Variants in PTPRT observed in about 807,000 individuals in gnomAD.
PTPRT encodes receptor-type tyrosine-protein phosphatase T.
PTPRT carries 56 observed loss-of-function variants against 176.8 expected under a neutral mutation model. The ratio of observed to expected loss-of-function variants is 0.32; its 90% CI spans 0.26 to 0.40. The LOEUF (loss-of-function observed/expected upper bound fraction) is 0.40. PTPRT is among the 10% of genes least tolerant of loss of function. PTPRT has a pLI of 1.00. For missense variants in PTPRT, 1,540 were observed against 1,908.2 expected, an observed-to-expected ratio of 0.81 and a Z score of 3.60; for synonymous variants, 783 against 739.0, an observed-to-expected ratio of 1.06 and a Z score of -0.96.
chr20:42,833,287 T>C, intron 2 of PTPRT, among the ~76,000 whole-genome samples: 1 of 146,736 alleles, frequency 6.8e-6, no homozygotes, highest in Admixed American at 6.8e-5. Flanking sequence ...AAAAAAAAAC[T>C]TGGCCAAGCA....
intron 11 of PTPRT, 25 bp from the exon 12 acceptor site, chr20:42,316,021 A>G (rs2057716400): frequency 3.7e-6 from 6 of 1,610,002 alleles, no homozygotes; most frequent in Admixed American, 1.7e-5. Context: ...GGAGACACAG[A>G]TGGTTGAGCA....
At chr20:42,401,982 G>A (rs1415974877) in intron 9 of PTPRT, among the ~76,000 whole-genome samples, 1 of 152,158 alleles carries the variant, frequency 6.6e-6, no homozygotes. Context: ...TCCTGTCCTG[G>A]GACAATCAGA....
chr20:42,826,608 T>G (rs1293021478), intron 2 of PTPRT, among the ~76,000 whole-genome samples: 1 of 152,198 alleles, frequency 6.6e-6, no homozygotes, highest in Non-Finnish European at 1.5e-5. Context: ...CTTATCAGTT[T>G]CATATGCAGA....
intron 6 of PTPRT, among the ~76,000 whole-genome samples, chr20:42,680,971 G>T (rs6065524): frequency 0.17 from 25,242 of 152,050 alleles, 2,398 homozygotes; most frequent in East Asian, 0.23. Context: ...GTTTATCACG[G>T]TGTTTCCTCT....
At chr20:42,880,359 G>A (rs1333275327) in intron 2 of PTPRT, among the ~76,000 whole-genome samples, 2 of 152,168 alleles carry the variant, frequency 1.3e-5, no homozygotes, top group African/African-American at 2.4e-5. Context: ...TTTATGTAAA[G>A]AAGAGAAATA....
intron 1 of PTPRT, among the ~76,000 whole-genome samples, chr20:43,113,976 A>C (rs1234961269): frequency 6.6e-6 from 1 of 152,222 alleles, no homozygotes; most frequent in Non-Finnish European, 1.5e-5. Context: ...AGACATTAGA[A>C]ATTTCTATGT....
chr20:43,090,385 A>C (rs1044518801), intron 1 of PTPRT, among the ~76,000 whole-genome samples: 12 of 151,610 alleles, frequency 7.9e-5, no homozygotes, highest in African/African-American at 2.7e-4. Context: ...CTCCTGCCTC[A>C]GCCTCCTGAG....
intron 7 of PTPRT, among the ~76,000 whole-genome samples, chr20:42,591,891 C>T (rs766987799): frequency 1.3e-5 from 2 of 151,416 alleles, no homozygotes; most frequent in Non-Finnish European, 2.9e-5. Context: ...AGACCGAGCA[C>T]TGGTGGAGGA....
chr20:43,098,234 C>T (rs543708034), intron 1 of PTPRT, among the ~76,000 whole-genome samples: 14 of 152,230 alleles, frequency 9.2e-5, no homozygotes, highest in Admixed American at 2.6e-4. Context: ...ACTCTTTTTG[C>T]TTAAAGCCAT....
At chr20:43,107,859 G>A (rs1017606090) in intron 1 of PTPRT, among the ~76,000 whole-genome samples, 1 of 152,194 alleles carries the variant, frequency 6.6e-6, no homozygotes, top group Admixed American at 6.5e-5. Context: ...CTTAATATTT[G>A]CTTAGGTAAT....
At chr20:42,444,907 T>C (rs1020260073) in intron 9 of PTPRT, among the ~76,000 whole-genome samples, 1 of 152,202 alleles carries the variant, frequency 6.6e-6, no homozygotes, top group Non-Finnish European at 1.5e-5. Flanking sequence ...TGGGGCTGGA[T>C]TGGGTTGAGC....
At chr20:42,990,764 T>C (rs1568720914) in intron 1 of PTPRT, among the ~76,000 whole-genome samples, 1 of 152,168 alleles carries the variant, frequency 6.6e-6, no homozygotes, top group South Asian at 2.1e-4. Context: ...TTTTTCTTTA[T>C]GAAGGGAATA....
chr20:42,586,938 G>A (rs889471089), intron 7 of PTPRT, among the ~76,000 whole-genome samples: 1 of 152,142 alleles, frequency 6.6e-6, no homozygotes, highest in Non-Finnish European at 1.5e-5. Flanking sequence ...TTGGGAGTGA[G>A]TGGTATGTGA....
chr20:42,493,656 T>C (rs750971332), intron 7 of PTPRT, among the ~76,000 whole-genome samples: 2 of 152,114 alleles, frequency 1.3e-5, no homozygotes, highest in African/African-American at 4.8e-5. Context: ...GGGGACTTTA[T>C]AGATGACATT....
Position 42,883,776 on chromosome 20 carries a change from C to T in PTPRT, c.214+2031G>A, listed in dbSNP as rs527577021. Among the ~76,000 whole-genome samples, 378 of 133,224 alleles carry T rather than the reference C, an allele frequency of 2.8e-3. 7 individuals are homozygous for T. Among genetic ancestry groups the T allele is most frequent in the African/African-American group, 0.011 (371 of 33,480 alleles). 87.4% of individuals were successfully genotyped at this position (133,224 alleles called of 152,430 possible). On this transcript the variant is annotated intron_variant, in intron 2 of 30. Coordinates refer to ENST00000373187, the MANE Select transcript of PTPRT (RefSeq NM_007050.6). Reference sequence around the variant, plus strand: ...CCCATACACATGCACACACACCCTCCATAAACGCACACCCATACACACACA... The same window carrying T: ...CCCATACACATGCACACACACCCTCTATAAACGCACACCCATACACACACA...
intron 12 of PTPRT, among the ~76,000 whole-genome samples, chr20:42,310,641 C>A (rs1336489329): frequency 6.6e-6 from 1 of 151,592 alleles, no homozygotes; most frequent in Non-Finnish European, 1.5e-5. Context: ...TTTTTGGCTT[C>A]TCGTCTAGAC....
rs200157212 is a variant in PTPRT, at chr20:42,098,534, C to T, written c.3733G>A (p.Ala1245Thr). The T allele has an allele frequency of 2.4e-4, 384 of 1,613,976 alleles. 1 individual carries two copies. The highest frequency in any genetic ancestry group is 5.3e-4 in the East Asian group (24 of 44,888). ...ALMDSHKQPA[A>T]FVVTQHPLPN... ...AGAGGGTGCTGGGTGACCACGAAGG[C>T]GGCAGGCTGCTTGTGGCTCTGACAA... The change falls in exon 27 of 31, where the codon GCC becomes ACC. Residue 1245 changes from alanine (A) to threonine (T), a missense_variant. By Grantham distance (58) the Ala-to-Thr change is moderately conservative. Around this residue, in one of 11 missense-constraint regions of PTPRT, gnomAD observed 342 missense variants for 394.0 expected, o/e 0.87. Transcript: ENST00000373187.
At position 42,161,398 on chromosome 20, in the gene PTPRT, G is replaced by T; in HGVS notation, c.2636C>A (p.Thr879Lys). 3.1e-6 allele frequency: 5 copies of T among 1,614,098 alleles called. No individual in the cohort carries two copies. Among genetic ancestry groups the T allele is most frequent in the Non-Finnish European group, 3.4e-6 (4 of 1,180,032 alleles). The change falls in exon 17 of 31, where the codon ACG (threonine) becomes AAG (lysine). Residue 879 changes from threonine to lysine, a missense_variant. Coordinates refer to ENST00000373187, the MANE Select transcript of PTPRT (RefSeq NM_007050.6). ...GTAGCCCTGGCCTCTCTTCATCTGCGTGATGTGCTGCAGCAAGTCAGCCAC... is the reference window on the plus strand; with the variant it reads ...GTAGCCCTGGCCTCTCTTCATCTGCTTGATGTGCTGCAGCAAGTCAGCCAC... ...IRVADLLQHI[T>K]QMKRGQGYGF...
chr20:42,718,898 G>C (rs1023854345), intron 6 of PTPRT, among the ~76,000 whole-genome samples: 1 of 152,200 alleles, frequency 6.6e-6, no homozygotes, highest in Non-Finnish European at 1.5e-5. Flanking sequence ...GTCCAGTTGA[G>C]AGCTGACGAG....
Sources: allele counts gnomAD v4.1 joint callset (sites outside exome capture counted in the v4.1 genomes callset), GRCh38; gene constraint gnomAD v4.1.1; regional missense constraint gnomAD v4.1.1; transcripts MANE v1.5; gene names NCBI Gene and HGNC (gene_info 2026-07-23, HGNC 2026-07-21).